Variants in TMEM108 observed in about 807,000 individuals in gnomAD.
The protein encoded by TMEM108 is cancer/testis antigen 124.
In TMEM108, 12 loss-of-function variants were observed where a neutral mutation model predicts 35.1. That is an observed-to-expected ratio of 0.34 (90% CI 0.22 to 0.55). The LOEUF is 0.55. Ranked by LOEUF, TMEM108 falls within the 20% of genes least tolerant of loss-of-function variation. The pLI is 0.89. For synonymous variants in TMEM108, 287 were observed against 308.6 expected (o/e 0.93, Z 0.73); for missense variants, 680 against 753.3 (o/e 0.90, Z 1.14).
chr3:133,356,068 G>C (rs6789490), intron 3 of TMEM108, among the ~76,000 whole-genome samples: 32,977 of 151,790 alleles, frequency 0.22, 4,166 homozygotes, highest in Middle Eastern at 0.31. Context: ...CATATATATA[G>C]AACACCCTAA....
intron 3 of TMEM108, among the ~76,000 whole-genome samples, chr3:133,320,149 TC>T (rs2071248785): frequency 6.6e-6 from 1 of 151,754 alleles, no homozygotes; most frequent in South Asian, 2.1e-4. Context: ...CCATACTAGC[TC>T]CCCAGCAGTG....
chr3:133,136,479 C>T (rs1226906951), intron 2 of TMEM108, among the ~76,000 whole-genome samples: 1 of 152,224 alleles, frequency 6.6e-6, no homozygotes, highest in African/African-American at 2.4e-5. Flanking sequence ...TAAGCCCAGA[C>T]TAGGGCTTTC....
At chr3:133,371,269 G>T (rs1208580126) in intron 3 of TMEM108, among the ~76,000 whole-genome samples, 1 of 152,146 alleles carries the variant, frequency 6.6e-6, no homozygotes, top group Non-Finnish European at 1.5e-5. Context: ...TTGCTCATAA[G>T]TCTGTAGCTG....
intron 3 of TMEM108, among the ~76,000 whole-genome samples, chr3:133,293,336 C>G (rs1196602868): frequency 6.6e-6 from 1 of 150,946 alleles, no homozygotes; most frequent in African/African-American, 2.4e-5. Context: ...AAACCTTCTT[C>G]TTTGTATCTG....
At position 133,354,730 on chromosome 3, in the gene TMEM108, A is replaced by G. The variant is rs546565968; in HGVS notation, c.41-25022A>G. On this transcript the variant is annotated intron_variant, in intron 3 of 5. Coordinates refer to ENST00000321871, the MANE Select transcript of TMEM108 (RefSeq NM_023943.4). Reference sequence around the variant, plus strand: ...CAGCAAGCCCAGCTCAGAGAGGGGCATAAGGAGCCAGGCAGACTTTTTCAC... The same window carrying G: ...CAGCAAGCCCAGCTCAGAGAGGGGCGTAAGGAGCCAGGCAGACTTTTTCAC... 9.2e-5 allele frequency among the ~76,000 whole-genome samples: 14 copies of G among 152,180 alleles called. No homozygotes were observed. The South Asian group carries it at 2.3e-3, about 25-fold the overall frequency.
At chr3:133,165,250 G>C (rs1945020520) in intron 2 of TMEM108, among the ~76,000 whole-genome samples, 2 of 152,164 alleles carry the variant, frequency 1.3e-5, no homozygotes, top group African/African-American at 4.8e-5. Flanking sequence ...CCCTTTCCTG[G>C]TGAGGGAGGG....
At chr3:133,065,931 A>G (rs1358018393) in intron 2 of TMEM108, among the ~76,000 whole-genome samples, 1 of 152,194 alleles carries the variant, frequency 6.6e-6, no homozygotes, top group African/African-American at 2.4e-5. Flanking sequence ...TTTGATGGGT[A>G]AATATACTCT....
At chr3:133,104,887 G>A (rs912511623) in intron 2 of TMEM108, among the ~76,000 whole-genome samples, 5 of 152,090 alleles carry the variant, frequency 3.3e-5, no homozygotes, top group Non-Finnish European at 7.4e-5. Flanking sequence ...TACTTTCCTG[G>A]ATTTCCCAGG....
intron 3 of TMEM108, among the ~76,000 whole-genome samples, chr3:133,308,908 A>G (rs1011599356): frequency 7.9e-5 from 12 of 152,126 alleles, no homozygotes; most frequent in South Asian, 2.1e-4. Context: ...CTCTTTTTCT[A>G]TTGATTGGAA....
intron 3 of TMEM108, among the ~76,000 whole-genome samples, chr3:133,317,575 G>A (rs1169313563): frequency 1.3e-5 from 2 of 150,988 alleles, no homozygotes; most frequent in Non-Finnish European, 1.5e-5. Context: ...TTGAAAATAA[G>A]CAGAATAGAA....
At chr3:133,256,100 A>T (rs762314100) in intron 3 of TMEM108, among the ~76,000 whole-genome samples, 4 of 152,218 alleles carry the variant, frequency 2.6e-5, no homozygotes, top group Non-Finnish European at 5.9e-5. Context: ...AATGTTCCTT[A>T]TAAAGGAATA....
At position 133,389,083 on chromosome 3, in the gene TMEM108, A is replaced by T. The variant is rs899387505; in HGVS notation, c.1451-1097A>T. 10 of 985,306 alleles carry T rather than the reference A, an allele frequency of 1.0e-5. No homozygotes were observed. The African/African-American group carries it at 1.7e-4, about 17-fold the overall frequency. The allele number at this position is 985,306 out of a possible 1,614,324, so 61.0% of individuals were successfully genotyped here. A position where few individuals can be genotyped will look rare whatever the true frequency, so the allele number is the denominator to read the frequency against. On this transcript the variant is annotated intron_variant, in intron 4 of 5. Transcript: ENST00000321871. ...GCAGGATATACTCAGTCCTCACTTC[A>T]TGGCTTCTCCCCAAGAGGCCTCTGT...
chr3:133,176,399 CA>C (rs2107796590), intron 2 of TMEM108, among the ~76,000 whole-genome samples: 1 of 152,136 alleles, frequency 6.6e-6, no homozygotes, highest in Non-Finnish European at 1.5e-5. Flanking sequence ...GCTCTTATTC[CA>C]AAATTGACCA....
At chr3:133,342,142 G>T (rs914371094) in intron 3 of TMEM108, among the ~76,000 whole-genome samples, 1 of 151,470 alleles carries the variant, frequency 6.6e-6, no homozygotes, top group South Asian at 2.1e-4. Context: ...ATCTGACAAG[G>T]GATTAATAAT....
intron 3 of TMEM108, among the ~76,000 whole-genome samples, chr3:133,282,457 T>C (rs1319308456): frequency 1.3e-5 from 2 of 152,228 alleles, no homozygotes; most frequent in African/African-American, 4.8e-5. Flanking sequence ...CACCACAACA[T>C]ATCCATGTTT....
At chr3:133,091,915 T>C (rs1943951506) in intron 2 of TMEM108, among the ~76,000 whole-genome samples, 3 of 152,206 alleles carry the variant, frequency 2.0e-5, no homozygotes, top group Admixed American at 2.0e-4. Flanking sequence ...TGTATCATGA[T>C]TGTTTTGAGC....
chr3:133,108,637 A>G (rs1162230911), intron 2 of TMEM108, among the ~76,000 whole-genome samples: 7 of 151,904 alleles, frequency 4.6e-5, no homozygotes, highest in Admixed American at 2.6e-4. Context: ...GATCCCATTT[A>G]TCAATTTTGG....
intron 2 of TMEM108, among the ~76,000 whole-genome samples, chr3:133,128,026 T>C (rs1212821573): frequency 2.0e-5 from 3 of 152,208 alleles, no homozygotes; most frequent in Admixed American, 6.5e-5. Flanking sequence ...AAAGAACTTA[T>C]CTGTTCCCTA....
intron 2 of TMEM108, among the ~76,000 whole-genome samples, chr3:133,046,982 G>A (rs1402457): frequency 0.07 from 10,714 of 152,164 alleles, 443 homozygotes; most frequent in Middle Eastern, 0.11. Context: ...GGTATCTTTC[G>A]GGGCCTCATG....
Sources: gnomAD v4.1 joint callset for allele counts (sites outside exome capture counted in the v4.1 genomes callset) on GRCh38, gnomAD v4.1.1 for gene constraint, MANE v1.5 for transcripts, NCBI Gene and HGNC (gene_info 2026-07-23, HGNC 2026-07-21) for gene names.